The following LASP1 variants were observed in gnomAD, a reference collection of about 807,000 sequenced individuals.
LASP1 encodes LIM and SH3 protein 1.
LASP1 carries 10 observed loss-of-function variants against 38.6 expected under a neutral mutation model. The ratio of observed to expected loss-of-function variants is 0.26; its 90% CI spans 0.16 to 0.44. LASP1 has a LOEUF of 0.44. LASP1 is among the 20% of genes least tolerant of loss of function. The probability of loss-of-function intolerance (pLI) is 1.00; values close to 1 mark genes in which losing one functional copy is unlikely to be tolerated. For synonymous variants in LASP1, 132 were observed against 140.8 expected (o/e 0.94, Z 0.44); for missense variants, 243 against 375.7 (o/e 0.65, Z 2.92).
rs1914262321 is a variant in LASP1 at position 38,890,143 on chromosome 17, T to C, written c.165-277T>C. Reference sequence around the variant, plus strand: ...AGGGTAACCTTCAACCCTCAGAGAGTGGCCCAGTGGCCATCCTTTCGCTCA... The same window carrying C: ...AGGGTAACCTTCAACCCTCAGAGAGCGGCCCAGTGGCCATCCTTTCGCTCA... On this transcript the variant is annotated intron_variant, in intron 2 of 6. Coordinates refer to ENST00000318008, the MANE Select transcript of LASP1 (RefSeq NM_006148.4). 9 of 406,088 alleles carry C rather than the reference T, an allele frequency of 2.2e-5. No homozygotes were observed. In the East Asian group the frequency reaches 3.4e-4, roughly 15 times the overall value. The allele number at this position is 406,088 out of a possible 1,614,324, so 25.2% of individuals were successfully genotyped here.
intron 2 of LASP1, 43 bp downstream of exon 2, chr17:38,878,223 T>G (rs1913838731): frequency 7.4e-7 from 1 of 1,351,782 alleles, no homozygotes; most frequent in Non-Finnish European, 1.1e-6. Context: ...GCACCTTGGC[T>G]CCCTCCCCGA....
In LASP1 at chr17:38,906,089, T is replaced by G. The variant is rs1914770876; in HGVS notation, c.357+7570T>G. ...AAATAAATAAATAAAATATTGTGAG[T>G]CTCTGATGGGGAGCAGTATTGCATG... is the stretch of plus-strand genomic sequence containing the variant. On this transcript the variant is annotated intron_variant, in intron 4 of 6. Transcript: ENST00000318008. Among the ~76,000 whole-genome samples, 6 of 151,588 alleles carry G rather than the reference T, an allele frequency of 4.0e-5. No homozygotes were observed. In the South Asian group the frequency reaches 1.0e-3, roughly 26 times the overall value.
intron 2 of LASP1, chr17:38,890,179 C>T (rs1266055624): frequency 1.9e-6 from 1 of 525,986 alleles, no homozygotes; most frequent in African/African-American, 1.9e-5. Context: ...GGACAGTTCT[C>T]CTTGGCTGGC....
intron 5 of LASP1, 105 bp downstream of exon 5, chr17:38,914,580 T>C: frequency 7.3e-7 from 1 of 1,372,794 alleles, no homozygotes; most frequent in East Asian, 2.4e-5. Context: ...GGAGCCTTGC[T>C]CTTAATCAAC....
chr17:38,915,921 TAGAG>T (rs1304167292), intron 6 of LASP1: 1 of 152,194 alleles, frequency 6.6e-6, no homozygotes, highest in Non-Finnish European at 1.5e-5. Context: ...AACAGATACT[TAGAG>T]AGATAAAATC....
chr17:38,909,836 C>T (rs1340206882), intron 4 of LASP1, among the ~76,000 whole-genome samples: 3 of 152,166 alleles, frequency 2.0e-5, no homozygotes, highest in African/African-American at 7.2e-5. Flanking sequence ...CAATCTCCGT[C>T]TCCTGGGTTC....
At chr17:38,906,632 AC>A (rs1914782486) in intron 4 of LASP1, among the ~76,000 whole-genome samples, 1 of 152,172 alleles carries the variant, frequency 6.6e-6, no homozygotes, top group South Asian at 2.1e-4. Flanking sequence ...TGATGATTCC[AC>A]CCAGAGCCTG....
Position 38,898,524 on chromosome 17 carries a change from G to A in LASP1, c.357+5G>A. The A allele has an allele frequency of 6.5e-7, 1 of 1,541,232 alleles. No individual in the cohort carries two copies. The highest frequency in any genetic ancestry group is 8.8e-7 in the Non-Finnish European group (1 of 1,137,440). On this transcript the variant is annotated splice_donor_5th_base_variant and intron_variant, in intron 4 of 6. Transcript: ENST00000318008. ...ACCCAGGACCAGATCAGTAACGTGA[G>A]CTCTTGCCCTGCCCTGCGGCATCCC...
chr17:38,880,133 G>C (rs903079682), intron 2 of LASP1, among the ~76,000 whole-genome samples: 2 of 152,178 alleles, frequency 1.3e-5, no homozygotes, highest in Non-Finnish European at 2.9e-5. Flanking sequence ...AGAGAAGCCA[G>C]GGCAGTTAAC....
chr17:38,886,627 C>T (rs905207755), intron 2 of LASP1, among the ~76,000 whole-genome samples: 15 of 152,236 alleles, frequency 9.9e-5, no homozygotes, highest in South Asian at 8.3e-4. Context: ...ACCCAAGGTG[C>T]CTGCTGCATG....
At chr17:38,873,732 G>T (rs1364963042) in intron 1 of LASP1, among the ~76,000 whole-genome samples, 1 of 152,170 alleles carries the variant, frequency 6.6e-6, no homozygotes, top group Non-Finnish European at 1.5e-5. Flanking sequence ...GGGTCAGGTG[G>T]CCAACCAAGC....
At chr17:38,915,362 G>A (rs1915090655) in intron 6 of LASP1, 2 of 449,428 alleles carry the variant, frequency 4.5e-6, no homozygotes, top group Admixed American at 3.7e-5. Context: ...TGTACCATGG[G>A]CAGGTTGCTC....
chr17:38,917,835 A>G (rs1303607616), intron 6 of LASP1, among the ~76,000 whole-genome samples: 1 of 152,030 alleles, frequency 6.6e-6, no homozygotes, highest in Non-Finnish European at 1.5e-5. Flanking sequence ...GACTACAGGC[A>G]TGTACCACTA....
At position 38,919,708 on chromosome 17, in the gene LASP1, C is replaced by T. The variant is rs1915244427; in HGVS notation, c.*930C>T. The T allele has an allele frequency of 5.3e-6, 2 of 380,698 alleles. No individual in the cohort carries two copies. Among genetic ancestry groups the T allele is most frequent in the South Asian group, 3.0e-5 (1 of 33,664 alleles). The allele number at this position is 380,698 out of a possible 1,614,324, so 23.6% of individuals were successfully genotyped here. Reference sequence around the variant, plus strand: ...TGGGTTAGGTGGCCGCTCCTCCCTGCTCCTCATGGGAAGATGTCTCAGAGC... The same window carrying T: ...TGGGTTAGGTGGCCGCTCCTCCCTGTTCCTCATGGGAAGATGTCTCAGAGC... On this transcript the variant is annotated 3_prime_UTR_variant, in exon 7 of 7. Coordinates refer to ENST00000318008, the MANE Select transcript of LASP1 (RefSeq NM_006148.4).
intron 4 of LASP1, among the ~76,000 whole-genome samples, chr17:38,908,695 A>G (rs1233515999): frequency 2.0e-5 from 3 of 151,962 alleles, no homozygotes; most frequent in Non-Finnish European, 4.4e-5. Context: ...CTCCCCCCAG[A>G]CTCTGTCCAG....
chr17:38,886,751 G>A (rs1914152247), intron 2 of LASP1, among the ~76,000 whole-genome samples: 1 of 152,062 alleles, frequency 6.6e-6, no homozygotes, highest in Non-Finnish European at 1.5e-5. Flanking sequence ...GGGTGTCTTG[G>A]AGGCGCCCAT....
chr17:38,913,678 A>G (rs1317642448), intron 4 of LASP1, among the ~76,000 whole-genome samples: 1 of 151,988 alleles, frequency 6.6e-6, no homozygotes, highest in African/African-American at 2.4e-5. Context: ...GCGGAAACAG[A>G]GCAGCCCCGC....
At chr17:38,896,840 A>G in intron 3 of LASP1, 1 of 889,368 alleles carries the variant, frequency 1.1e-6, no homozygotes, top group Non-Finnish European at 1.3e-6. Flanking sequence ...TTGTGCCCAG[A>G]CTTGGTGATA....
chr17:38,895,733 C>G (rs1252579719), intron 3 of LASP1, among the ~76,000 whole-genome samples: 2 of 152,178 alleles, frequency 1.3e-5, no homozygotes, highest in Non-Finnish European at 2.9e-5. Context: ...CATTCATGAT[C>G]CAACAAATGT....
Sources: gnomAD v4.1 joint callset for allele counts (sites outside exome capture counted in the v4.1 genomes callset) on GRCh38, gnomAD v4.1.1 for gene constraint, MANE v1.5 for transcripts, NCBI Gene and HGNC (gene_info 2026-07-23, HGNC 2026-07-21) for gene names.